Variants in ARID1B observed in about 807,000 individuals in gnomAD.
The protein encoded by ARID1B is AT-rich interaction domain 1B.
ARID1B carries 30 observed loss-of-function variants against 212.3 expected under a neutral mutation model. That is an observed-to-expected ratio of 0.14 (90% confidence interval 0.11 to 0.19). ARID1B has a LOEUF of 0.19. Among genes scored for constraint, ARID1B ranks in the 10% least tolerant of loss-of-function variants. The probability of loss-of-function intolerance (pLI) is 1.00; values close to 1 mark genes in which losing one functional copy is unlikely to be tolerated. For synonymous variants in ARID1B, 1,402 were observed against 1,301.7 expected (o/e 1.08, Z -1.66); for missense variants, 2,891 against 3,204.0 (o/e 0.90, Z 2.36).
Position 157,148,958 on chromosome 6 carries a change from C to T in ARID1B, c.3089+7C>T. The T allele has an allele frequency of 6.2e-7, 1 of 1,605,286 alleles. No individual in the cohort carries two copies. The highest frequency in any genetic ancestry group is 1.1e-5 in the South Asian group (1 of 90,666). The stretch of plus-strand genomic sequence containing the variant: ...CGAACTCAGCACAAAGCAGGTACGC[C>T]ACCCAGGAGCACGCCCCGGGCAGGT... On this transcript the variant is annotated splice_region_variant and intron_variant, in intron 8 of 19. Coordinates refer to ENST00000636930, the MANE Select transcript of ARID1B (RefSeq NM_001374828.1). The surrounding 1 kb of genome is among the most constrained non-coding windows in gnomAD (Gnocchi z 5.6).
intron 8 of ARID1B, among the ~76,000 whole-genome samples, chr6:157,157,081 A>G (rs1790624850): frequency 6.6e-6 from 1 of 151,728 alleles, no homozygotes; most frequent in Non-Finnish European, 1.5e-5. Context: ...TCAGTTCCCC[A>G]CCACACCTAG....
At chr6:156,971,126 A>G (rs1460609295) in intron 4 of ARID1B, among the ~76,000 whole-genome samples, 1 of 152,242 alleles carries the variant, frequency 6.6e-6, no homozygotes, top group Non-Finnish European at 1.5e-5. Context: ...TTAAAACTGA[A>G]GGGTTTTTGT....
At chr6:156,860,157 T>G (rs287908) in intron 2 of ARID1B, among the ~76,000 whole-genome samples, 5,581 of 152,338 alleles carry the variant, frequency 0.037, 144 homozygotes, top group Non-Finnish European at 0.058. Context: ...GCTTTAAATT[T>G]TGCAGAATAT....
At position 156,926,985 on chromosome 6, in the gene ARID1B, G is replaced by A. The variant is rs538326984; in HGVS notation, c.2137-8481G>A. 3.3e-5 allele frequency among the ~76,000 whole-genome samples: 5 copies of A among 152,174 alleles called. No homozygotes were observed. The South Asian group carries it at 1.0e-3, about 32-fold the overall frequency. On this transcript the variant is annotated intron_variant, in intron 3 of 19. Coordinates refer to ENST00000636930, the MANE Select transcript of ARID1B (RefSeq NM_001374828.1). ...GTGAGCCATCATGCCTGGCCCAGAT[G>A]TTGTATCATTTCATTGGTAAATATT...
intron 4 of ARID1B, among the ~76,000 whole-genome samples, chr6:156,990,125 C>A (rs1051482261): frequency 6.6e-5 from 10 of 151,366 alleles, no homozygotes; most frequent in Non-Finnish European, 1.2e-4. Context: ...ACTTGAGATC[C>A]AGTGAGTTGT....
chr6:157,170,768 AG>A (rs969020429), intron 9 of ARID1B, among the ~76,000 whole-genome samples: 2 of 152,102 alleles, frequency 1.3e-5, no homozygotes, highest in African/African-American at 4.8e-5. Flanking sequence ...TGTGCCATGG[AG>A]GGTCCTCCCG....
At chr6:156,880,891 C>A (rs1271814818) in intron 2 of ARID1B, among the ~76,000 whole-genome samples, 2 of 152,030 alleles carry the variant, frequency 1.3e-5, no homozygotes, top group Non-Finnish European at 2.9e-5. Context: ...ACTGCATAGT[C>A]ATTTTTTCGT....
chr6:156,868,869 A>T (rs1159419276), intron 2 of ARID1B, among the ~76,000 whole-genome samples: 1 of 152,206 alleles, frequency 6.6e-6, no homozygotes. Context: ...TTTTAATAAC[A>T]CTTAACGGTA....
intron 4 of ARID1B, among the ~76,000 whole-genome samples, chr6:156,954,827 C>T (rs1426115536): frequency 6.6e-6 from 1 of 152,242 alleles, no homozygotes; most frequent in Non-Finnish European, 1.5e-5. Flanking sequence ...ATTTCCCCCA[C>T]TGTGTGGTCT....
chr6:157,024,524 G>C (rs760661367), intron 4 of ARID1B: 3 of 152,206 alleles, frequency 2.0e-5, no homozygotes, highest in Admixed American at 1.3e-4. Flanking sequence ...AACTTCAGGA[G>C]ACTGAGGCGG....
At chr6:156,974,387 T>C (rs1412615237) in intron 4 of ARID1B, among the ~76,000 whole-genome samples, 2 of 152,174 alleles carry the variant, frequency 1.3e-5, no homozygotes, top group African/African-American at 2.4e-5. Context: ...TTAAAACACA[T>C]TGAATGATAA....
chr6:157,078,474 G>C (rs895119017), intron 4 of ARID1B, among the ~76,000 whole-genome samples: 2 of 152,150 alleles, frequency 1.3e-5, no homozygotes, highest in Non-Finnish European at 1.5e-5. Flanking sequence ...TCTAGTCTAC[G>C]TAACTCCTGA....
intron 2 of ARID1B, among the ~76,000 whole-genome samples, chr6:156,842,607 A>G (rs1250349423): frequency 6.6e-6 from 1 of 152,154 alleles, no homozygotes; most frequent in Non-Finnish European, 1.5e-5. Context: ...CTTACTTTCA[A>G]TTATTTTGAG....
At chr6:157,123,247 C>CCCCCA (rs1554299918) in intron 6 of ARID1B, among the ~76,000 whole-genome samples, 4 of 111,836 alleles carry the variant, frequency 3.6e-5, no homozygotes, top group Non-Finnish European at 5.5e-5. Flanking sequence ...CGCCCCCCCC[C>CCCCCA]CACACACACA....
intron 11 of ARID1B, among the ~76,000 whole-genome samples, chr6:157,178,248 T>C (rs1792243062): frequency 6.6e-6 from 1 of 152,170 alleles, no homozygotes; most frequent in Non-Finnish European, 1.5e-5. Flanking sequence ...CACACCCTTT[T>C]TGTCCATTGG....
At chr6:157,042,680 ACAGAGTCTCACTGTGTCACC>A (rs1157587426) in intron 4 of ARID1B, among the ~76,000 whole-genome samples, 1 of 145,306 alleles carries the variant, frequency 6.9e-6, no homozygotes, top group African/African-American at 2.6e-5. Context: ...TTTTTTTGAG[ACAGAGTCTCACTGTGTCACC>A]CAGGCTGGAG....
intron 2 of ARID1B, among the ~76,000 whole-genome samples, chr6:156,852,174 G>A (rs287922): frequency 0.12 from 18,627 of 152,044 alleles, 1,487 homozygotes; most frequent in Middle Eastern, 0.18. Context: ...GAGGCCGGGC[G>A]CAGTGGCTCA....
intron 4 of ARID1B, among the ~76,000 whole-genome samples, chr6:157,077,162 T>C (rs1583266109): frequency 1.3e-5 from 2 of 152,322 alleles, no homozygotes; most frequent in South Asian, 2.1e-4. Flanking sequence ...TCAGGCAATT[T>C]TGTTGTCATT....
At chr6:156,883,010 T>G in intron 2 of ARID1B, among the ~76,000 whole-genome samples, 1 of 152,210 alleles carries the variant, frequency 6.6e-6, no homozygotes, top group East Asian at 1.9e-4. Context: ...CTGTCTTAAT[T>G]TCTGCATTTT....
Sources: gnomAD v4.1 joint callset for allele counts (sites outside exome capture counted in the v4.1 genomes callset) on GRCh38, gnomAD v4.1.1 for gene constraint, Gnocchi (gnomAD v3.1) non-coding constraint, MANE v1.5 for transcripts, NCBI Gene and HGNC (gene_info 2026-07-23, HGNC 2026-07-21) for gene names.